Variants in OXR1 observed in about 807,000 individuals in gnomAD.
The protein encoded by OXR1 is oxidation resistance protein 1.
A neutral mutation model predicts 104.6 loss-of-function variants in OXR1; 41 were observed. That is an observed-to-expected ratio of 0.39 (90% confidence interval 0.31 to 0.51). The LOEUF is 0.51. Among genes scored for constraint, OXR1 ranks in the 20% least tolerant of loss-of-function variants. The pLI is 0.77. For synonymous variants in OXR1, 348 were observed against 348.4 expected, an observed-to-expected ratio of 1.00 and a Z score of 0.01; for missense variants, 955 against 1,031.9, an observed-to-expected ratio of 0.93 and a Z score of 1.02.
chr8:106,599,253 G>C (rs561600170), intron 3 of OXR1, among the ~76,000 whole-genome samples: 1 of 152,164 alleles, frequency 6.6e-6, no homozygotes, highest in Non-Finnish European at 1.5e-5. Context: ...CAGCACCTCA[G>C]ATGGTGAAAA....
intron 3 of OXR1, among the ~76,000 whole-genome samples, chr8:106,670,567 A>G (rs557127118): frequency 4.6e-5 from 7 of 152,324 alleles, no homozygotes; most frequent in Admixed American, 1.3e-4. Context: ...GTTACAAACT[A>G]TGAGAAAGAA....
At chr8:106,592,372 A>T (rs987266869) in intron 3 of OXR1, among the ~76,000 whole-genome samples, 1 of 152,200 alleles carries the variant, frequency 6.6e-6, no homozygotes, top group Non-Finnish European at 1.5e-5. Context: ...CATGGAATTC[A>T]AGGCACTGTT....
At chr8:106,454,759 A>T (rs1332609031) in intron 2 of OXR1, among the ~76,000 whole-genome samples, 3 of 152,076 alleles carry the variant, frequency 2.0e-5, no homozygotes, top group Non-Finnish European at 4.4e-5. Flanking sequence ...CCCACTACTC[A>T]ATCCCTCACA....
intron 3 of OXR1, among the ~76,000 whole-genome samples, chr8:106,638,065 C>T (rs1412053753): frequency 3.3e-5 from 5 of 151,886 alleles, no homozygotes; most frequent in East Asian, 1.9e-4. Context: ...GTGCCTGGCC[C>T]GATTTTTATT....
chr8:106,589,056 C>T (rs1818871227), intron 3 of OXR1, among the ~76,000 whole-genome samples: 1 of 150,628 alleles, frequency 6.6e-6, no homozygotes, highest in Admixed American at 6.6e-5. Context: ...CTCCTTCCTG[C>T]CTTTAGTGGA....
At chr8:106,317,833 GTTC>G (rs1286746331) in intron 1 of OXR1, among the ~76,000 whole-genome samples, 1 of 150,072 alleles carries the variant, frequency 6.7e-6, no homozygotes, top group Admixed American at 6.6e-5. Context: ...AGTTTGTATT[GTTC>G]TTCTGAAAAT....
intron 3 of OXR1, among the ~76,000 whole-genome samples, chr8:106,519,373 G>A (rs191479115): frequency 1.0e-3 from 158 of 152,202 alleles, no homozygotes; most frequent in African/African-American, 3.3e-3. Context: ...CTAACCTAGG[G>A]GAAGTAAATA....
intron 3 of OXR1, among the ~76,000 whole-genome samples, chr8:106,674,726 T>A (rs1034040352): frequency 6.6e-6 from 1 of 151,982 alleles, no homozygotes; most frequent in Admixed American, 6.6e-5. Flanking sequence ...ATCATGGGGG[T>A]GGTTTCCCTA....
chr8:106,690,164 A>T (rs535657340), intron 6 of OXR1, among the ~76,000 whole-genome samples: 1 of 150,782 alleles, frequency 6.6e-6, no homozygotes, highest in South Asian at 2.1e-4. Flanking sequence ...TTAGACTTCA[A>T]TGTTAATATA....
rs965671424 is a variant in OXR1, at chr8:106,751,091, G to A, written c.*150G>A. ...CATTTATTACAGTTATAATTTTGGAGTTTATTTTTCAAATCATGTTCTTGT... is the reference window on the plus strand; with the variant it reads ...CATTTATTACAGTTATAATTTTGGAATTTATTTTTCAAATCATGTTCTTGT... On this transcript the variant is annotated 3_prime_UTR_variant, in exon 17 of 17. Coordinates refer to ENST00000517566, the MANE Select transcript of OXR1 (RefSeq NM_001198533.2). The A allele has an allele frequency of 1.8e-6, 1 of 570,188 alleles. No individual in the cohort carries two copies. The highest frequency in any genetic ancestry group is 1.9e-5 in the African/African-American group (1 of 51,700). 35.3% of individuals were successfully genotyped at this position (570,188 alleles called of 1,614,324 possible). A position where few individuals can be genotyped will look rare whatever the true frequency, so the allele number is the denominator to read the frequency against.
intron 7 of OXR1, among the ~76,000 whole-genome samples, chr8:106,694,529 G>C (rs1345111936): frequency 1.7e-5 from 2 of 120,290 alleles, no homozygotes; most frequent in African/African-American, 3.2e-5. Flanking sequence ...ATATAAATAT[G>C]TTTATATATA....
chr8:106,406,308 A>G (rs568704388), intron 2 of OXR1, among the ~76,000 whole-genome samples: 5 of 152,254 alleles, frequency 3.3e-5, no homozygotes, highest in South Asian at 2.1e-4. Context: ...TTATTTTTTA[A>G]TTAAAAAATT....
chr8:106,594,299 A>G (rs1320641994), intron 3 of OXR1, among the ~76,000 whole-genome samples: 1 of 152,196 alleles, frequency 6.6e-6, no homozygotes, highest in African/African-American at 2.4e-5. Flanking sequence ...GTCAGCACCA[A>G]TGTTTCTATG....
intron 1 of OXR1, among the ~76,000 whole-genome samples, chr8:106,347,908 A>G (rs1451206708): frequency 6.6e-6 from 1 of 152,208 alleles, no homozygotes. Flanking sequence ...ACAGATAGGT[A>G]AACCGTAACA....
intron 5 of OXR1, 76 bp from the exon 6 acceptor site, chr8:106,684,170 G>A: frequency 1.4e-6 from 1 of 689,854 alleles, no homozygotes; most frequent in South Asian, 2.0e-5. Flanking sequence ...ATTGTTAATA[G>A]TGCTTGCTTA....
intron 8 of OXR1, among the ~76,000 whole-genome samples, 191 bp from the exon 9 acceptor site, chr8:106,706,191 A>G (rs996282055): frequency 6.6e-6 from 1 of 152,156 alleles, no homozygotes; most frequent in African/African-American, 2.4e-5. Context: ...TGATTTATAG[A>G]ATTACTTGGT....
chr8:106,504,651 T>A (rs1812036235), intron 2 of OXR1, among the ~76,000 whole-genome samples: 1 of 152,210 alleles, frequency 6.6e-6, no homozygotes, highest in Non-Finnish European at 1.5e-5. Flanking sequence ...CCAACAGATG[T>A]AAAAGCCTTC....
chr8:106,480,070 C>A (rs1238658221), intron 2 of OXR1, among the ~76,000 whole-genome samples: 1 of 151,842 alleles, frequency 6.6e-6, no homozygotes, highest in East Asian at 1.9e-4. Flanking sequence ...GGTAGCAATG[C>A]CTCAAATTTC....
chr8:106,743,332 T>C (rs1835091945), intron 15 of OXR1, among the ~76,000 whole-genome samples: 1 of 152,170 alleles, frequency 6.6e-6, no homozygotes, highest in Non-Finnish European at 1.5e-5. Context: ...GTTGTTGTTG[T>C]TGTTTTTGAG....
Sources: gnomAD v4.1 joint callset for allele counts (sites outside exome capture counted in the v4.1 genomes callset) on GRCh38, gnomAD v4.1.1 for gene constraint, MANE v1.5 for transcripts, NCBI Gene and HGNC (gene_info 2026-07-23, HGNC 2026-07-21) for gene names.